The following DNAH6 variants were observed in gnomAD, a reference collection of about 807,000 sequenced individuals.
The protein encoded by DNAH6 is dynein axonemal heavy chain 6.
In DNAH6, 340 loss-of-function variants were observed where a neutral mutation model predicts 491.4. That is an observed-to-expected ratio of 0.69 (90% CI 0.63 to 0.76). The LOEUF is 0.76. Among genes scored for constraint, DNAH6 ranks in the 30% least tolerant of loss-of-function variants. The pLI is 0.00. For synonymous variants in DNAH6, 1,603 were observed against 1,686.1 expected (o/e 0.95, Z 1.21); for missense variants, 4,443 against 4,972.2 (o/e 0.89, Z 3.20).
At chr2:84,792,948 T>C (rs1677915581) in intron 68 of DNAH6, among the ~76,000 whole-genome samples, 2 of 152,276 alleles carry the variant, frequency 1.3e-5, no homozygotes, top group South Asian at 4.2e-4. Flanking sequence ...GATTTTATAG[T>C]GTAGGTTACA....
rs979917091 is a variant in DNAH6 at position 84,596,176 on chromosome 2, G to A, written c.2868+387G>A. On this transcript the variant is annotated intron_variant, in intron 18 of 76. Coordinates refer to ENST00000389394, the MANE Select transcript of DNAH6 (RefSeq NM_001370.2). ...CACACAACTATGCCATTTTCCAGAT[G>A]TGCTATGATGTGAAGGAAGTTGGGA... Among the ~76,000 whole-genome samples, 3 of 152,174 alleles carry A rather than the reference G, an allele frequency of 2.0e-5. No homozygotes were observed. The South Asian group carries it at 6.2e-4, about 31-fold the overall frequency.
intron 60 of DNAH6, among the ~76,000 whole-genome samples, chr2:84,723,918 A>G (rs1698400679): frequency 6.6e-6 from 1 of 152,222 alleles, no homozygotes. Context: ...AAAGACTTCC[A>G]GGGAAGACAG....
At chr2:84,814,341 A>AT (rs202071734) in intron 75 of DNAH6, among the ~76,000 whole-genome samples, 3,740 of 152,144 alleles carry the variant, frequency 0.025, 76 homozygotes, top group South Asian at 0.068. Flanking sequence ...TTAAAGCAAT[A>AT]TTTTTTTTAT....
chr2:84,658,520 A>G (rs754118672), intron 36 of DNAH6, 46 bp downstream of exon 36: 2 of 1,299,582 alleles, frequency 1.5e-6, no homozygotes, highest in Non-Finnish European at 2.0e-6. Flanking sequence ...AAATTAGATT[A>G]TTGTATAAGT....
At chr2:84,753,827 A>ATTT (rs373380346) in intron 63 of DNAH6, among the ~76,000 whole-genome samples, 9 of 131,158 alleles carry the variant, frequency 6.9e-5, no homozygotes, top group African/African-American at 1.4e-4. Context: ...TTTTGAGTTA[A>ATTT]TTTTTTTTTT....
At chr2:84,548,247 T>TA in intron 7 of DNAH6, 41 bp from the exon 8 acceptor site, 1 of 1,550,972 alleles carries the variant, frequency 6.4e-7, no homozygotes, top group Non-Finnish European at 8.7e-7. Flanking sequence ...ATGGAACTTT[T>TA]ACACAAGTAC....
chr2:84,764,007 A>T (rs1674841614), intron 64 of DNAH6, among the ~76,000 whole-genome samples: 2 of 152,094 alleles, frequency 1.3e-5, no homozygotes, highest in Admixed American at 6.6e-5. Flanking sequence ...CAGCCTTTTT[A>T]TTATATTCAG....
intron 33 of DNAH6, among the ~76,000 whole-genome samples, chr2:84,651,517 T>C (rs1334630993): frequency 6.6e-6 from 1 of 152,166 alleles, no homozygotes; most frequent in East Asian, 1.9e-4. Flanking sequence ...GCCTAAAAGT[T>C]TTCTGTCTTG....
In DNAH6 at chr2:84,552,939, CAAG is replaced by C. The variant is rs143228855; in HGVS notation, c.1515_1517del (p.Glu505del). 2,047 of 1,610,486 alleles carry C rather than the reference CAAG, an allele frequency of 1.3e-3. 6 individuals are homozygous for C. The highest frequency in any genetic ancestry group is 8.6e-3 in the Middle Eastern group (52 of 6,054). ...TCAGGGGACCCTTATGGTGGAAAAG[CAAG>C]AAGAAGATGAATCTCTCATCCCCAT... is the stretch of plus-strand genomic sequence containing the variant. On this transcript the variant is annotated inframe_deletion, in exon 10 of 77. Transcript: ENST00000389394.
intron 11 of DNAH6, among the ~76,000 whole-genome samples, chr2:84,566,861 A>G (rs1681251344): frequency 1.3e-5 from 2 of 152,102 alleles, no homozygotes; most frequent in African/African-American, 2.4e-5. Flanking sequence ...AATATATAGT[A>G]TCTCAAATCA....
chr2:84,680,320 T>C (rs773863514), intron 41 of DNAH6, among the ~76,000 whole-genome samples: 2 of 152,272 alleles, frequency 1.3e-5, no homozygotes, highest in Non-Finnish European at 1.5e-5. Context: ...GTAATAAGAA[T>C]TTATCTATTT....
At chr2:84,787,811 C>A (rs890912633) in intron 68 of DNAH6, among the ~76,000 whole-genome samples, 1 of 152,074 alleles carries the variant, frequency 6.6e-6, no homozygotes, top group Non-Finnish European at 1.5e-5. Context: ...AAAGGAAAAA[C>A]CTTTCAGGAA....
chr2:84,514,129 C>T (rs866169235), upstream of DNAH6, among the ~76,000 whole-genome samples: 2 of 152,152 alleles, frequency 1.3e-5, no homozygotes, highest in Admixed American at 1.3e-4. Flanking sequence ...CCCACAGCTT[C>T]CATGTTATTT....
At chr2:84,611,309 G>A (rs994492935) in intron 21 of DNAH6, among the ~76,000 whole-genome samples, 9 of 151,568 alleles carry the variant, frequency 5.9e-5, no homozygotes, top group South Asian at 2.1e-4. Flanking sequence ...CTTTTTTTTC[G>A]TGGAAATCTT....
intron 41 of DNAH6, among the ~76,000 whole-genome samples, chr2:84,678,644 T>A (rs1422946888): frequency 1.3e-5 from 2 of 152,084 alleles, no homozygotes; most frequent in Non-Finnish European, 2.9e-5. Flanking sequence ...AAAGACATGG[T>A]CCCCAACTCT....
chr2:84,578,578 A>G (rs950035051), intron 13 of DNAH6, among the ~76,000 whole-genome samples: 1 of 152,186 alleles, frequency 6.6e-6, no homozygotes, highest in Admixed American at 6.5e-5. Context: ...AGGCATTTGT[A>G]AAGTGATTGT....
At position 84,727,666 on chromosome 2, in the gene DNAH6, C is replaced by T. The variant is rs1698765039; in HGVS notation, c.9973-3C>T. The T allele has an allele frequency of 2.0e-6, 3 of 1,519,084 alleles. No individual in the cohort carries two copies. The highest frequency in any genetic ancestry group is 1.4e-5 in the African/African-American group (1 of 72,444). The allele number at this position is 1,519,084 out of a possible 1,614,324, so 94.1% of individuals were successfully genotyped here. ...GACATTGATAGAGCTCTCTTTCACA[C>T]AGTTGTTCAATACCACCATTGAAAC... On this transcript the variant is annotated splice_polypyrimidine_tract_variant and splice_region_variant and intron_variant, in intron 60 of 76. Coordinates refer to ENST00000389394, the MANE Select transcript of DNAH6 (RefSeq NM_001370.2).
At chr2:84,718,726 C>T (rs908046990) in intron 59 of DNAH6, among the ~76,000 whole-genome samples, 1 of 152,236 alleles carries the variant, frequency 6.6e-6, no homozygotes, top group Non-Finnish European at 1.5e-5. Flanking sequence ...AATTAACTTC[C>T]TCCTCCTCAG....
the DNAH6 span, among the ~76,000 whole-genome samples, chr2:84,460,811 C>T: frequency 6.6e-6 from 1 of 152,200 alleles, no homozygotes; most frequent in Non-Finnish European, 1.5e-5. Flanking sequence ...AACAATGTTT[C>T]AGTGCTGACT....
Sources: gnomAD v4.1 joint callset for allele counts (sites outside exome capture counted in the v4.1 genomes callset) on GRCh38, gnomAD v4.1.1 for gene constraint, MANE v1.5 for transcripts, NCBI Gene and HGNC (gene_info 2026-07-23, HGNC 2026-07-21) for gene names.